PIK3R5: variants seen among roughly 807,000 people sequenced by gnomAD.
The protein encoded by PIK3R5 is phosphoinositide 3-kinase regulatory subunit 5.
Under a neutral mutation model 94.9 loss-of-function variants are expected in PIK3R5, and 32 were observed. The observed-to-expected ratio is 0.34, with a 90% CI of 0.25 to 0.45. PIK3R5 has a LOEUF of 0.45. PIK3R5 is among the 20% of genes least tolerant of loss of function. PIK3R5 has a pLI of 1.00. For synonymous variants in PIK3R5, 443 were observed against 479.4 expected, an observed-to-expected ratio of 0.92 and a Z score of 0.99; for missense variants, 853 against 1,144.6, an observed-to-expected ratio of 0.75 and a Z score of 3.68.
chr17:8,946,455 T>C, intron 1 of PIK3R5, among the ~76,000 whole-genome samples: 1 of 151,624 alleles, frequency 6.6e-6, no homozygotes, highest in East Asian at 1.9e-4. Context: ...GCCAGGCACC[T>C]AAGAAAACTA....
At chr17:8,927,449 G>GCCCCCTCC (rs1261055367) in intron 1 of PIK3R5, among the ~76,000 whole-genome samples, 53 of 152,232 alleles carry the variant, frequency 3.5e-4, no homozygotes, top group African/African-American at 1.2e-3. Flanking sequence ...GCGGTAATTA[G>GCCCCCTCC]CCCCCTCCCA....
rs2091048411 is a variant in PIK3R5 at position 8,935,037 on chromosome 17, C to A, written c.-13-23530G>T. Among the ~76,000 whole-genome samples, 3 of 152,184 alleles carry A rather than the reference C, an allele frequency of 2.0e-5. 1 individual carries two copies. The South Asian group carries it at 6.2e-4, about 31-fold the overall frequency. On this transcript the variant is annotated intron_variant, in intron 1 of 18. Transcript: ENST00000447110. The surrounding 1 kb of genome is among the most constrained non-coding windows in gnomAD (Gnocchi z 4.5). ...ATGTTCCCCTGTTTCTGATGTGGAT[C>A]TTAATATGCATTCTTCTGTCTTCCA...
chr17:8,900,033 A>G (rs978364054), intron 5 of PIK3R5, among the ~76,000 whole-genome samples: 1 of 151,532 alleles, frequency 6.6e-6, no homozygotes, highest in Non-Finnish European at 1.5e-5. Context: ...GCGAGATTCC[A>G]TCTTAAAAAA....
chr17:8,891,138 G>A (rs991198533), intron 6 of PIK3R5, among the ~76,000 whole-genome samples: 3 of 152,224 alleles, frequency 2.0e-5, no homozygotes, highest in Admixed American at 6.5e-5. Flanking sequence ...TTTTTCAGCT[G>A]TTGTTTTCAA....
chr17:8,965,156 C>A (rs1400715945), intron 1 of PIK3R5, among the ~76,000 whole-genome samples: 1 of 152,232 alleles, frequency 6.6e-6, no homozygotes, highest in African/African-American at 2.4e-5. Flanking sequence ...TGAGGCTCGA[C>A]GGAGGGCGCC....
chr17:8,908,572 C>CACACACAA (rs59377538), intron 3 of PIK3R5, among the ~76,000 whole-genome samples: 4 of 149,032 alleles, frequency 2.7e-5, no homozygotes, highest in African/African-American at 5.0e-5. Flanking sequence ...CACACACACA[C>CACACACAA]AACCATAAAA....
intron 5 of PIK3R5, among the ~76,000 whole-genome samples, chr17:8,894,626 A>C (rs1025351111): frequency 6.6e-6 from 1 of 152,024 alleles, no homozygotes; most frequent in African/African-American, 2.4e-5. Context: ...CTGCAGCTTG[A>C]CTCTGTTGTG....
chr17:8,905,179 C>G (rs17740182), intron 4 of PIK3R5, among the ~76,000 whole-genome samples: 31,100 of 108,544 alleles, frequency 0.29, 3,854 homozygotes, highest in Non-Finnish European at 0.31. Flanking sequence ...AAGGCTGTCC[C>G]CTTACTGGTA....
rs2089991756 is a variant in PIK3R5 at position 8,890,341 on chromosome 17, T to C, written c.658-215A>G. Among the ~76,000 whole-genome samples the C allele has an allele frequency of 1.3e-5, 2 of 152,168 alleles. No homozygotes were observed. Among genetic ancestry groups the C allele is most frequent in the Admixed American group, 6.5e-5 (1 of 15,286 alleles). On this transcript the variant is annotated intron_variant, in intron 7 of 18. Transcript: ENST00000447110. The surrounding 1 kb of genome is among the most constrained non-coding windows in gnomAD (Gnocchi z 6.1). ...AGAGAAAGATCCAGAGCCACGGCAC[T>C]GCAGTTAGGAGGGACTTCAGCGCTC...
chr17:8,919,828 T>C (rs1286219009), intron 1 of PIK3R5, among the ~76,000 whole-genome samples: 1 of 151,796 alleles, frequency 6.6e-6, no homozygotes, highest in Non-Finnish European at 1.5e-5. Flanking sequence ...CAGAGTTTCC[T>C]TCCTCTCCTC....
intron 1 of PIK3R5, among the ~76,000 whole-genome samples, chr17:8,954,069 AAAAAAAGAAAAAAAG>A (rs1389183818): frequency 1.4e-5 from 2 of 148,090 alleles, no homozygotes; most frequent in Non-Finnish European, 2.9e-5. Context: ...AAAAAAAAAG[AAAAAAAGAAAAAAAG>A]AAAAAAGAAA....
At chr17:8,921,608 G>A (rs1242905033) in intron 1 of PIK3R5, among the ~76,000 whole-genome samples, 2 of 151,964 alleles carry the variant, frequency 1.3e-5, no homozygotes, top group Non-Finnish European at 2.9e-5. Context: ...TTATGTTGGG[G>A]AAACAAGATT....
At chr17:8,937,869 G>A (rs1012599323) in intron 1 of PIK3R5, among the ~76,000 whole-genome samples, 4 of 152,246 alleles carry the variant, frequency 2.6e-5, no homozygotes, top group African/African-American at 9.6e-5. Context: ...GAGTGCAATG[G>A]CACAATCTCG....
intron 1 of PIK3R5, among the ~76,000 whole-genome samples, chr17:8,928,619 G>A (rs180936749): frequency 2.6e-5 from 4 of 152,180 alleles, no homozygotes; most frequent in Non-Finnish European, 2.9e-5. Context: ...AATTGCTGAA[G>A]GACAAGCACT....
intron 1 of PIK3R5, among the ~76,000 whole-genome samples, chr17:8,957,311 T>G (rs1199344901): frequency 6.6e-6 from 1 of 152,202 alleles, no homozygotes; most frequent in African/African-American, 2.4e-5. Flanking sequence ...TGAATTTCTC[T>G]GAGATCTTCC....
chr17:8,950,585 A>C (rs1442887613), intron 1 of PIK3R5, among the ~76,000 whole-genome samples: 1 of 152,218 alleles, frequency 6.6e-6, no homozygotes, highest in African/African-American at 2.4e-5. Flanking sequence ...GCTTAGGATT[A>C]TGGCCTCCAG....
At chr17:8,905,565 TTC>T (rs2090376171) in intron 4 of PIK3R5, 102 bp downstream of exon 4, 3 of 751,650 alleles carry the variant, frequency 4.0e-6, no homozygotes, top group Non-Finnish European at 6.2e-6. Context: ...GCTTGACAGT[TTC>T]TCTCTCTGCT....
At chr17:8,920,970 T>A (rs972396771) in intron 1 of PIK3R5, among the ~76,000 whole-genome samples, 4 of 151,700 alleles carry the variant, frequency 2.6e-5, no homozygotes, top group Non-Finnish European at 5.9e-5. Flanking sequence ...GCCTCCTGAG[T>A]AGCTGGGATT....
At chr17:8,885,605 CTAGGTAA>C in intron 14 of PIK3R5, among the ~76,000 whole-genome samples, 2 of 135,264 alleles carry the variant, frequency 1.5e-5, no homozygotes, top group African/African-American at 6.0e-5. Context: ...GCCCTGCCTC[CTAGGTAA>C]CCCCGCCCCC....
Sources: allele counts gnomAD v4.1 joint callset (sites outside exome capture counted in the v4.1 genomes callset), GRCh38; gene constraint gnomAD v4.1.1; non-coding constraint Gnocchi (gnomAD v3.1); transcripts MANE v1.5; gene names NCBI Gene and HGNC (gene_info 2026-07-23, HGNC 2026-07-21).